The following NECAB2 variants were observed in gnomAD, a reference collection of about 807,000 sequenced individuals.
NECAB2 encodes N-terminal EF-hand calcium binding protein 2.
In NECAB2, 68 loss-of-function variants were observed where a neutral mutation model predicts 51.9. The observed-to-expected ratio is 1.31, with a 90% CI of 1.08 to 1.60. The LOEUF (loss-of-function observed/expected upper bound fraction) is 1.60. Ranked by LOEUF, NECAB2 falls within the 40% of genes most tolerant of loss-of-function variation. NECAB2 has a pLI of 0.00. For synonymous variants in NECAB2, 329 were observed against 203.5 expected (o/e 1.62, Z -5.25); for missense variants, 854 against 490.3 (o/e 1.74, Z -7.00).
In NECAB2 at chr16:83,973,818, C is replaced by G. The variant is rs146108408; in HGVS notation, c.226+1643C>G. Among the ~76,000 whole-genome samples the G allele has an allele frequency of 5.7e-3, 861 of 151,750 alleles. 9 individuals are homozygous for G. The highest frequency in any genetic ancestry group is 0.02 in the African/African-American group (807 of 41,330). ...TGTGCGTATCTCGGTGACTCAGCAG[C>G]GTGAGGCTGTTGGGAATGCGTGTGT... On this transcript the variant is annotated intron_variant, in intron 2 of 12. Transcript: ENST00000305202.
intron 12 of NECAB2, 100 bp from the exon 13 acceptor site, chr16:84,002,210 ACAAGGACT>A: frequency 7.2e-7 from 1 of 1,379,356 alleles, no homozygotes; most frequent in Non-Finnish European, 1.0e-6. Flanking sequence ...TGTGTGTCAC[ACAAGGACT>A]CAAAGCCATC....
chr16:83,973,397 T>G (rs1476967159), intron 2 of NECAB2, among the ~76,000 whole-genome samples: 1 of 152,064 alleles, frequency 6.6e-6, no homozygotes, highest in Admixed American at 6.5e-5. Context: ...CTGGAATCAG[T>G]TCCAACGAGT....
At chr16:83,994,841 C>CT (rs1328840188) in intron 8 of NECAB2, among the ~76,000 whole-genome samples, 153 bp downstream of exon 8, 2 of 152,272 alleles carry the variant, frequency 1.3e-5, no homozygotes, top group East Asian at 3.9e-4. Context: ...CTGCCGAGGA[C>CT]GAAGCTAAGG....
intron 1 of NECAB2, among the ~76,000 whole-genome samples, chr16:83,971,087 C>G (rs766725405): frequency 7.2e-6 from 1 of 139,318 alleles, no homozygotes; most frequent in African/African-American, 3.3e-5. Flanking sequence ...GAGCGAGACC[C>G]CATCTCAAAA....
At chr16:83,998,611 T>G (rs2084756308) in intron 10 of NECAB2, among the ~76,000 whole-genome samples, 1 of 152,140 alleles carries the variant, frequency 6.6e-6, no homozygotes, top group Non-Finnish European at 1.5e-5. Flanking sequence ...AGTGTGTGAA[T>G]CTCAAGTGTG....
chr16:83,990,637 C>T lies in NECAB2; in HGVS notation c.596+7C>T, dbSNP rs368695222. ...AACAGACCAGCCAGCTCCGGTGAGTCTCTGAGACCCTGCAGGGTCCCATGG... is the reference window on the plus strand; with the variant it reads ...AACAGACCAGCCAGCTCCGGTGAGTTTCTGAGACCCTGCAGGGTCCCATGG... On this transcript the variant is annotated splice_region_variant and intron_variant, in intron 6 of 12. Coordinates refer to ENST00000305202, the MANE Select transcript of NECAB2 (RefSeq NM_019065.3). The T allele has an allele frequency of 1.9e-6, 3 of 1,613,798 alleles. No individual in the cohort carries two copies. The African/African-American group carries it at 4.0e-5, about 22-fold the overall frequency.
intron 5 of NECAB2, among the ~76,000 whole-genome samples, chr16:83,987,881 G>A (rs896336648): frequency 6.6e-6 from 1 of 152,198 alleles, no homozygotes; most frequent in South Asian, 2.1e-4. Flanking sequence ...ACATAAGATG[G>A]CTGTAAGCAT....
At chr16:83,965,736 G>C, upstream of NECAB2, 1 of 1,613,614 alleles carries the variant, frequency 6.2e-7, no homozygotes, top group Non-Finnish European at 8.5e-7. Context: ...AAGGTGTTTG[G>C]GGTCTCCCTG....
upstream of NECAB2, chr16:83,966,372 G>C (rs911995796): frequency 3.7e-6 from 1 of 273,828 alleles, no homozygotes; most frequent in African/African-American, 2.2e-5. Context: ...AGGGAGCTGC[G>C]TTCCCGGAAC....
intron 2 of NECAB2, among the ~76,000 whole-genome samples, chr16:83,976,382 A>G (rs1295358773): frequency 6.6e-6 from 1 of 152,220 alleles, no homozygotes. Flanking sequence ...TGGAAGTGGT[A>G]GTACTACCTG....
intron 2 of NECAB2, among the ~76,000 whole-genome samples, chr16:83,972,771 C>T (rs2084363246): frequency 6.6e-6 from 1 of 152,164 alleles, no homozygotes; most frequent in Middle Eastern, 3.2e-3. Flanking sequence ...TTGTTGTGGC[C>T]ACGGAATTCA....
At chr16:83,981,154 G>C (rs116141482) in intron 5 of NECAB2, 27 bp downstream of exon 5, 5 of 1,571,446 alleles carry the variant, frequency 3.2e-6, no homozygotes, top group Admixed American at 1.7e-5. Flanking sequence ...GGCCCCCGGG[G>C]TCCAGGGCTC....
intron 9 of NECAB2, among the ~76,000 whole-genome samples, chr16:83,997,875 C>A (rs1042814799): frequency 6.6e-6 from 1 of 152,136 alleles, no homozygotes; most frequent in South Asian, 2.1e-4. Context: ...AATGCTGAGT[C>A]CATCAACTAT....
chr16:83,977,237 C>T (rs969369235), intron 2 of NECAB2, among the ~76,000 whole-genome samples: 2 of 152,106 alleles, frequency 1.3e-5, no homozygotes, highest in African/African-American at 4.8e-5. Context: ...GTCATGGGCT[C>T]CCTCTTGTCT....
chr16:83,971,129 C>T (rs1336635457), intron 1 of NECAB2, among the ~76,000 whole-genome samples: 3 of 151,934 alleles, frequency 2.0e-5, no homozygotes, highest in African/African-American at 4.8e-5. Flanking sequence ...AATCAGTCCC[C>T]GTGGGAACTG....
upstream of NECAB2, chr16:83,965,479 C>T: frequency 6.2e-7 from 1 of 1,607,784 alleles, no homozygotes; most frequent in Non-Finnish European, 8.5e-7. Context: ...ACGCGGTCCT[C>T]TACGCCCGCC....
intron 1 of NECAB2, among the ~76,000 whole-genome samples, chr16:83,970,882 C>T (rs919116838): frequency 3.3e-5 from 5 of 152,182 alleles, no homozygotes; most frequent in African/African-American, 4.8e-5. Context: ...CACCTGAGGT[C>T]AGGGGTTCGA....
At chr16:83,997,090 C>T (rs931617761) in intron 8 of NECAB2, 126 bp from the exon 9 acceptor site, 7 of 1,070,414 alleles carry the variant, frequency 6.5e-6, no homozygotes, top group Non-Finnish European at 6.9e-6. Context: ...CGTTGGTCTC[C>T]CAGCCCTGTG....
In NECAB2 at chr16:83,968,567, G is replaced by C. The variant is rs867680443; in HGVS notation, c.-82G>C. 1 of 954,202 alleles carries C rather than the reference G, an allele frequency of 1.0e-6. No homozygotes were observed. The highest frequency in any genetic ancestry group is 1.8e-5 in the African/African-American group (1 of 55,916). The allele number at this position is 954,202 out of a possible 1,614,324, so 59.1% of individuals were successfully genotyped here. ...GAGAGGGCGGGGCGGCGCGGGCAGC[G>C]CGGGGAGGGGGTCGCGCGGGGGCGG... is the stretch of plus-strand genomic sequence containing the variant. On this transcript the variant is annotated 5_prime_UTR_variant, in exon 1 of 13. Coordinates refer to ENST00000305202, the MANE Select transcript of NECAB2 (RefSeq NM_019065.3).
Sources: gnomAD v4.1 joint callset for allele counts (sites outside exome capture counted in the v4.1 genomes callset) on GRCh38, gnomAD v4.1.1 for gene constraint, MANE v1.5 for transcripts, NCBI Gene and HGNC (gene_info 2026-07-23, HGNC 2026-07-21) for gene names.